Variants in TTC24 observed in about 807,000 individuals in gnomAD.
The protein encoded by TTC24 is tetratricopeptide repeat protein 24.
Under a neutral mutation model 63.3 loss-of-function variants are expected in TTC24, and 54 were observed. The ratio of observed to expected loss-of-function variants is 0.85; its 90% CI spans 0.69 to 1.07. TTC24 has a LOEUF of 1.07. Ranked by LOEUF, TTC24 falls within the 50% of genes least tolerant of loss-of-function variation. The pLI is 0.00. For missense variants in TTC24, 680 were observed against 730.5 expected (o/e 0.93, Z 0.80); for synonymous variants, 276 against 304.3 (o/e 0.91, Z 0.97).
chr1:156,580,224 T>G (rs1676955833), intron 1 of TTC24, among the ~76,000 whole-genome samples: 1 of 152,076 alleles, frequency 6.6e-6, no homozygotes, highest in Non-Finnish European at 1.5e-5. Context: ...ACCACACTCC[T>G]TTTCAGAAAA....
In TTC24 at chr1:156,583,482, C is replaced by T. The variant is rs770129852; in HGVS notation, c.1152+32C>T. On this transcript the variant is annotated intron_variant, in intron 5 of 10. Transcript: ENST00000368236. The surrounding 1 kb of genome is among the most constrained non-coding windows in gnomAD (Gnocchi z 4.0). ...CCCCGCACACCGGAATCCACCTCTC[C>T]CCTGCTATCCCTCTTCTGGCTGACA... 3.9e-5 allele frequency: 58 copies of T among 1,501,190 alleles called. No individual in the cohort carries two copies. Among genetic ancestry groups the T allele is most frequent in the Middle Eastern group, 1.7e-4 (1 of 5,810 alleles). 93.0% of individuals were successfully genotyped at this position (1,501,190 alleles called of 1,614,324 possible). A position where few individuals can be genotyped will look rare whatever the true frequency, so the allele number is the denominator to read the frequency against.
At chr1:156,586,349 T>C in intron 10 of TTC24, 120 bp from the exon 11 acceptor site, 1 of 819,986 alleles carries the variant, frequency 1.2e-6, no homozygotes, top group Non-Finnish European at 2.0e-6. Flanking sequence ...CCTCCTTCTC[T>C]GGAGCCCACC....
In TTC24 at chr1:156,581,809, C is replaced by T; in HGVS notation, c.445C>T (p.Pro149Ser). Reference sequence around the variant, plus strand: ...CCACAGGGCCCTGGGCCACTACCAGCCACAGGGTGACCAGGGAGAAGCCTG... The same window carrying T: ...CCACAGGGCCCTGGGCCACTACCAGTCACAGGGTGACCAGGGAGAAGCCTG... Reference protein sequence around the residue: ...WYHRALGHYQPQGDQGEAWAK... With the variant: ...WYHRALGHYQSQGDQGEAWAK... Residue 149 changes from proline (P) to serine (S), a missense_variant, in exon 2 of 11, where the codon CCA (proline) becomes TCA (serine). Pro to Ser is a moderately conservative substitution (Grantham distance 74). Transcript: ENST00000368236. 6.4e-7 allele frequency: 1 copy of T among 1,551,522 alleles called. No homozygotes were observed. The highest frequency in any genetic ancestry group is 1.2e-5 in the South Asian group (1 of 84,062).
rs1571381934 is a variant in TTC24 at position 156,581,728 on chromosome 1, A to T, written c.364A>T (p.Asn122Tyr). The change falls in exon 2 of 11, where the codon AAT becomes TAT. Residue 122 changes from asparagine to tyrosine, a missense_variant. Physicochemically the swap from Asn to Tyr is moderately radical, Grantham distance 143 (BLOSUM62 -2). Coordinates refer to ENST00000368236, the MANE Select transcript of TTC24 (RefSeq NM_001105669.4). ...QGRRHGDQCF[N>Y]VALAYHALGE... ...CAGGCGACACGGCGACCAATGTTTCAATGTGGCTTTGGCCTACCATGCCCT... is the reference window on the plus strand; with the variant it reads ...CAGGCGACACGGCGACCAATGTTTCTATGTGGCTTTGGCCTACCATGCCCT... 6.4e-7 allele frequency: 1 copy of T among 1,551,758 alleles called. No homozygotes were observed. Among genetic ancestry groups the T allele is most frequent in the South Asian group, 1.2e-5 (1 of 84,066 alleles).
chr1:156,583,152 C>A lies in TTC24; in HGVS notation c.1021C>A (p.Gln341Lys). ...CAGAGACAACTACCTGCATGCCCTGCAGGCTGCCCGGGACTCTGGTAAGCG... is the reference window on the plus strand; with the variant it reads ...CAGAGACAACTACCTGCATGCCCTGAAGGCTGCCCGGGACTCTGGTAAGCG... ...AARDNYLHAL[Q>K]AARDSGDMKG... Residue 341 changes from glutamine to lysine, a missense_variant, in exon 4 of 11, where the codon CAG (glutamine) becomes AAG (lysine). Transcript: ENST00000368236. The surrounding 1 kb of genome is among the most constrained non-coding windows in gnomAD (Gnocchi z 4.0). 1 of 1,612,444 alleles carries A rather than the reference C, an allele frequency of 6.2e-7. No individual in the cohort carries two copies. The highest frequency in any genetic ancestry group is 8.5e-7 in the Non-Finnish European group (1 of 1,179,294).
rs182013770 is a variant in TTC24, at chr1:156,582,451, G to A, written c.910+17G>A. ...ACCTACACGGTGGGTGCCTGGGGCC[G>A]GGGAATGGGACTGGGACTAAGACAC... On this transcript the variant is annotated intron_variant, in intron 3 of 10. Coordinates refer to ENST00000368236, the MANE Select transcript of TTC24 (RefSeq NM_001105669.4). 7.0e-5 allele frequency: 112 copies of A among 1,610,996 alleles called. No homozygotes were observed. In the East Asian group the frequency reaches 1.7e-3, roughly 24 times the overall value.
At chr1:156,582,597 C>T (rs1044319658) in intron 3 of TTC24, among the ~76,000 whole-genome samples, 163 bp downstream of exon 3, 1 of 152,110 alleles carries the variant, frequency 6.6e-6, no homozygotes, top group African/African-American at 2.4e-5. Context: ...ATGGGACAGC[C>T]AGACAGGACA....
chr1:156,586,555 C>T lies in TTC24; in HGVS notation c.*5C>T, dbSNP rs1256241548. 1 of 1,612,424 alleles carries T rather than the reference C, an allele frequency of 6.2e-7. No individual in the cohort carries two copies. The highest frequency in any genetic ancestry group is 8.5e-7 in the Non-Finnish European group (1 of 1,179,154). On this transcript the variant is annotated 3_prime_UTR_variant, in exon 11 of 11. Coordinates refer to ENST00000368236, the MANE Select transcript of TTC24 (RefSeq NM_001105669.4). ...GGCATCTGCACTATTGTGTGACCTC[C>T]CCCTGCCAGCCTCAGCCCTCATCCC...
Position 156,581,531 on chromosome 1 carries a change from T to C in TTC24, c.167T>C (p.Leu56Ser). The C allele has an allele frequency of 6.4e-7, 1 of 1,551,340 alleles. No homozygotes were observed. Residue 56 changes from leucine (L) to serine (S), a missense_variant, in exon 2 of 11, where the codon TTG (leucine) becomes TCG (serine). Transcript: ENST00000368236. ...ALQAGQNHEA[L>S]NNFQRAFLLA... Reference sequence around the variant, plus strand: ...CAGGCTGGCCAGAACCATGAAGCCTTGAACAACTTCCAGAGGGCCTTCCTT... The same window carrying C: ...CAGGCTGGCCAGAACCATGAAGCCTCGAACAACTTCCAGAGGGCCTTCCTT...
In TTC24 at chr1:156,581,396, G is replaced by A. The variant is rs1429303421; in HGVS notation, c.32G>A (p.Arg11Gln). The A allele has an allele frequency of 2.1e-5, 32 of 1,526,460 alleles. No individual in the cohort carries two copies. Among genetic ancestry groups the A allele is most frequent in the Middle Eastern group, 1.7e-4 (1 of 5,884 alleles). The allele number at this position is 1,526,460 out of a possible 1,614,324, so 94.6% of individuals were successfully genotyped here. A position where few individuals can be genotyped will look rare whatever the true frequency, so the allele number is the denominator to read the frequency against. The change falls in exon 2 of 11, where the codon CGG becomes CAG. Residue 11 changes from arginine (R) to glutamine (Q), a missense_variant. Physicochemically the swap from Arg to Gln is conservative, Grantham distance 43. Coordinates refer to ENST00000368236, the MANE Select transcript of TTC24 (RefSeq NM_001105669.4). MSSPNPEDVP[R>Q]RPEPEPSSSN... Reference sequence around the variant, plus strand: ...TCCCCCAACCCTGAGGATGTGCCCCGGAGGCCAGAACCTGAGCCCTCAAGC... The same window carrying A: ...TCCCCCAACCCTGAGGATGTGCCCCAGAGGCCAGAACCTGAGCCCTCAAGC...
chr1:156,582,414 A>G lies in TTC24; in HGVS notation c.890A>G (p.Gln297Arg). ...GNYQEAREFH[Q>R]KAADLHGSVG... ...TATCAGGAAGCTCGGGAGTTTCACCAGAAGGCTGCTGACCTACACGGTGGG... is the reference window on the plus strand; with the variant it reads ...TATCAGGAAGCTCGGGAGTTTCACCGGAAGGCTGCTGACCTACACGGTGGG... Residue 297 changes from glutamine (Q) to arginine (R), a missense_variant, in exon 3 of 11, where the codon CAG (glutamine) becomes CGG (arginine). Gln to Arg is a conservative substitution (Grantham distance 43, BLOSUM62 1). Transcript: ENST00000368236. 1 of 1,613,902 alleles carries G rather than the reference A, an allele frequency of 6.2e-7. No individual in the cohort carries two copies. Among genetic ancestry groups the G allele is most frequent in the Non-Finnish European group, 8.5e-7 (1 of 1,179,852 alleles).
In TTC24 at chr1:156,586,612, G is replaced by C; in HGVS notation, c.*62G>C. 2 of 1,456,506 alleles carry C rather than the reference G, an allele frequency of 1.4e-6. No individual in the cohort carries two copies. The allele number at this position is 1,456,506 out of a possible 1,614,324, so 90.2% of individuals were successfully genotyped here. A position where few individuals can be genotyped will look rare whatever the true frequency, so the allele number is the denominator to read the frequency against. On this transcript the variant is annotated 3_prime_UTR_variant, in exon 11 of 11. Coordinates refer to ENST00000368236, the MANE Select transcript of TTC24 (RefSeq NM_001105669.4). ...ACCTGTCCAACACGCACACACTAGG[G>C]GGTCCTGGGGACCAAGCCTCTTCCC...
In TTC24 at chr1:156,583,318, C is replaced by T; in HGVS notation, c.1040-20C>T. 1 of 1,611,828 alleles carries T rather than the reference C, an allele frequency of 6.2e-7. No individual in the cohort carries two copies. The highest frequency in any genetic ancestry group is 1.3e-5 in the African/African-American group (1 of 74,862). On this transcript the variant is annotated intron_variant, in intron 4 of 10. Transcript: ENST00000368236. This position sits in a 1 kb window ranked among gnomAD's most constrained non-coding sequence, Gnocchi z 4.0. Reference sequence around the variant, plus strand: ...GGGTAGGAAGTCATGAAAGGACCTTCCAGGCTCTCTTTCTCTCAGGGGACA... The same window carrying T: ...GGGTAGGAAGTCATGAAAGGACCTTTCAGGCTCTCTTTCTCTCAGGGGACA...
At position 156,582,022 on chromosome 1, in the gene TTC24, G is replaced by T; in HGVS notation, c.658G>T (p.Glu220Ter). 1 of 1,484,660 alleles carries T rather than the reference G, an allele frequency of 6.7e-7. No individual in the cohort carries two copies. Among genetic ancestry groups the T allele is most frequent in the Non-Finnish European group, 8.9e-7 (1 of 1,118,782 alleles). 92.0% of individuals were successfully genotyped at this position (1,484,660 alleles called of 1,614,324 possible). ...GGTGGGGGAAGTTGTGCAGGTGCTG[G>T]AGAAAAGCCGGAGGCTTGCCGAGAG... ...HRVGEVVQVL[E>*]KSRRLAERST... Residue 220 changes from glutamate to a stop codon, truncating the protein, a stop_gained, in exon 2 of 11, where the codon GAG becomes TAG. Transcript: ENST00000368236. LOFTEE classifies it high-confidence loss of function.
rs1039404979 is a variant in TTC24, at chr1:156,583,702, TC to T, written c.1153-89del. On this transcript the variant is annotated intron_variant, in intron 5 of 10. Transcript: ENST00000368236. The surrounding 1 kb of genome is among the most constrained non-coding windows in gnomAD (Gnocchi z 4.0). Reference sequence around the variant, plus strand: ...GAAGAGAGGGGAAACAAAGCCCCCCTCCCCCCTCCCTTTCCTGTTTCCTTCT... The same window carrying T: ...GAAGAGAGGGGAAACAAAGCCCCCCTCCCCCTCCCTTTCCTGTTTCCTTCT... The T allele has an allele frequency of 7.9e-5, 46 of 580,996 alleles. No individual in the cohort carries two copies. The African/African-American group carries it at 8.3e-4, about 10-fold the overall frequency. The allele number at this position is 580,996 out of a possible 1,614,324, so 36.0% of individuals were successfully genotyped here. A position where few individuals can be genotyped will look rare whatever the true frequency, so the allele number is the denominator to read the frequency against.
rs1033721016 is a variant in TTC24, at chr1:156,585,745, C to T, written c.1489C>T (p.His497Tyr). Residue 497 changes from histidine to tyrosine, a missense_variant, in exon 9 of 11, where the codon CAC (histidine) becomes TAC (tyrosine). Transcript: ENST00000368236. Reference protein sequence around the residue: ...CFLPGTVNHSHHLASSCPTFT... With the variant: ...CFLPGTVNHSYHLASSCPTFT... ...CCTTCCAGGCACAGTGAATCATTCG[C>T]ACCATCTAGCTTCTAGTTGCCCCAC... 1 of 1,613,982 alleles carries T rather than the reference C, an allele frequency of 6.2e-7. No homozygotes were observed. Among genetic ancestry groups the T allele is most frequent in the South Asian group, 1.1e-5 (1 of 91,084 alleles).
rs1677027590 is a variant in TTC24 at position 156,582,439 on chromosome 1, G to A, written c.910+5G>A. On this transcript the variant is annotated splice_donor_5th_base_variant and intron_variant, in intron 3 of 10. Coordinates refer to ENST00000368236, the MANE Select transcript of TTC24 (RefSeq NM_001105669.4). ...AGAAGGCTGCTGACCTACACGGTGG[G>A]TGCCTGGGGCCGGGGAATGGGACTG... 4 of 1,613,544 alleles carry A rather than the reference G, an allele frequency of 2.5e-6. No homozygotes were observed. The East Asian group carries it at 8.9e-5, about 36-fold the overall frequency.
At position 156,586,031 on chromosome 1, in the gene TTC24, C is replaced by T. The variant is rs768998310; in HGVS notation, c.1653C>T (p.Gly551=). 2 of 1,573,068 alleles carry T rather than the reference C, an allele frequency of 1.3e-6. No individual in the cohort carries two copies. The highest frequency in any genetic ancestry group is 1.2e-5 in the South Asian group (1 of 86,152). Residue 551 remains glycine (G), a synonymous_variant, in exon 10 of 11, where the codon GGC becomes GGT. Transcript: ENST00000368236. ...AEYPSILVPN[G]PQANRSSRWP... is the part of the protein sequence containing the mutation. Reference sequence around the variant, plus strand: ...ACCCTAGCATCTTGGTACCCAATGGCCCTCAAGCCAATAGGTGGGTCCTTG... The same window carrying T: ...ACCCTAGCATCTTGGTACCCAATGGTCCTCAAGCCAATAGGTGGGTCCTTG...
At position 156,582,268 on chromosome 1, in the gene TTC24, G is replaced by A. The variant is rs375900783; in HGVS notation, c.744G>A (p.Gln248=). 12 of 1,555,376 alleles carry A rather than the reference G, an allele frequency of 7.7e-6. No individual in the cohort carries two copies. In the African/African-American group the frequency reaches 1.6e-4, roughly 21 times the overall value. ...ACGATCTAGGCCTGGGCTACTCCCA[G>A]CTCCAGCTGTTCCCGCTGGCCGTGG... ...LYNDLGLGYS[Q]LQLFPLAVEA... The change falls in exon 3 of 11, where the codon CAG becomes CAA. Residue 248 remains glutamine, a synonymous_variant. Transcript: ENST00000368236.
Sources: gnomAD v4.1 joint callset for allele counts (sites outside exome capture counted in the v4.1 genomes callset) on GRCh38, gnomAD v4.1.1 for gene constraint, Gnocchi (gnomAD v3.1) non-coding constraint, MANE v1.5 for transcripts, NCBI Gene and HGNC (gene_info 2026-07-23, HGNC 2026-07-21) for gene names.